The following PTPRN2 variants were observed in gnomAD, a reference collection of about 807,000 sequenced individuals.
PTPRN2 encodes the protein protein tyrosine phosphatase receptor type N2, also known as receptor-type tyrosine-protein phosphatase N2.
Under a neutral mutation model 118.8 loss-of-function variants are expected in PTPRN2, and 74 were observed. The ratio of observed to expected loss-of-function variants is 0.62; its 90% CI spans 0.52 to 0.76. PTPRN2 has a LOEUF of 0.76. Among genes scored for constraint, PTPRN2 ranks in the 30% least tolerant of loss-of-function variants. PTPRN2 has a pLI of 0.00. For missense variants in PTPRN2, 1,481 were observed against 1,394.4 expected (o/e 1.06, Z -0.99); for synonymous variants, 641 against 608.0 (o/e 1.05, Z -0.80).
At chr7:158,302,623 C>T (rs1365731263) in intron 3 of PTPRN2, among the ~76,000 whole-genome samples, 2 of 152,244 alleles carry the variant, frequency 1.3e-5, no homozygotes, top group Non-Finnish European at 2.9e-5. Context: ...CGATAAACAA[C>T]CAAAACAGGG....
At chr7:158,226,246 G>A (rs1409125630) in intron 3 of PTPRN2, among the ~76,000 whole-genome samples, 1 of 152,150 alleles carries the variant, frequency 6.6e-6, no homozygotes, top group Non-Finnish European at 1.5e-5. Context: ...GAGATGATAA[G>A]GTTGTAAACT....
Position 158,565,377 on chromosome 7 carries a change from TGA to T in PTPRN2, c.112+22179_112+22180del, listed in dbSNP as rs1350136586. Among the ~76,000 whole-genome samples the T allele has an allele frequency of 2.6e-5, 4 of 152,196 alleles. No individual in the cohort carries two copies. The highest frequency in any genetic ancestry group is 4.4e-5 in the Non-Finnish European group (3 of 68,038). On this transcript the variant is annotated intron_variant, in intron 1 of 22. Transcript: ENST00000389418. This position sits in a 1 kb window ranked among gnomAD's most constrained non-coding sequence, Gnocchi z 4.6. ...GAACTTTGCAAATTACCTCTCATCCTGAGAGGTGAGACAGAGCCAGCTCTGGG... is the reference window on the plus strand; with the variant it reads ...GAACTTTGCAAATTACCTCTCATCCTGAGGTGAGACAGAGCCAGCTCTGGG...
intron 2 of PTPRN2, among the ~76,000 whole-genome samples, chr7:158,416,685 C>A (rs1814681495): frequency 6.6e-6 from 1 of 152,172 alleles, no homozygotes; most frequent in East Asian, 1.9e-4. Flanking sequence ...GGCCAGGGGG[C>A]AGGAAACAGA....
chr7:157,569,907 A>G (rs1303847734), intron 20 of PTPRN2, among the ~76,000 whole-genome samples: 1 of 152,250 alleles, frequency 6.6e-6, no homozygotes, highest in Non-Finnish European at 1.5e-5. Context: ...CAAGACTTCA[A>G]GAAAGATGTG....
intron 1 of PTPRN2, 88 bp from the exon 2 acceptor site, chr7:158,489,873 T>G: frequency 7.9e-7 from 1 of 1,265,048 alleles, no homozygotes; most frequent in Non-Finnish European, 1.1e-6. Flanking sequence ...CTGGTGAATT[T>G]CAGAGAAACC....
intron 11 of PTPRN2, among the ~76,000 whole-genome samples, chr7:158,001,394 G>T (rs1430238956): frequency 6.6e-6 from 1 of 152,006 alleles, no homozygotes; most frequent in East Asian, 1.9e-4. Context: ...AGAATGGGAA[G>T]CTGGAGCCTT....
At chr7:157,993,449 A>C (rs1804411418) in intron 11 of PTPRN2, among the ~76,000 whole-genome samples, 1 of 152,024 alleles carries the variant, frequency 6.6e-6, no homozygotes, top group Non-Finnish European at 1.5e-5. Context: ...CCCTTTCAGA[A>C]ATGTAATTTC....
intron 5 of PTPRN2, among the ~76,000 whole-genome samples, chr7:158,176,502 C>T (rs1824222362): frequency 6.6e-6 from 1 of 152,150 alleles, no homozygotes; most frequent in Non-Finnish European, 1.5e-5. Context: ...ACCAAACACG[C>T]CGAGTGAACA....
chr7:158,455,806 T>C (rs1345388047), intron 2 of PTPRN2, among the ~76,000 whole-genome samples: 3 of 120,318 alleles, frequency 2.5e-5, no homozygotes, highest in African/African-American at 3.3e-5. Flanking sequence ...GCAGAGAACA[T>C]AACGGCACAG....
chr7:158,327,686 C>T (rs990230616), intron 2 of PTPRN2, among the ~76,000 whole-genome samples: 5 of 152,248 alleles, frequency 3.3e-5, no homozygotes, highest in African/African-American at 1.2e-4. Context: ...GTCACCCTTT[C>T]ATTCTTTCCT....
intron 1 of PTPRN2, among the ~76,000 whole-genome samples, chr7:158,564,432 A>C (rs2129451093): frequency 6.6e-6 from 1 of 152,326 alleles, no homozygotes; most frequent in East Asian, 1.9e-4. Context: ...CACCTCCATC[A>C]CCAGGACGTG....
At chr7:157,595,625 A>AGGTTAGGAAGCCTGGT (rs1260633792) in intron 16 of PTPRN2, among the ~76,000 whole-genome samples, 2 of 149,940 alleles carry the variant, frequency 1.3e-5, no homozygotes, top group African/African-American at 2.5e-5. Context: ...GGAAGCCAGG[A>AGGTTAGGAAGCCTGGT]GGTTAGGAAG....
At position 157,911,727 on chromosome 7, in the gene PTPRN2, T is replaced by A. The variant is rs373967062; in HGVS notation, c.1724-12990A>T. On this transcript the variant is annotated intron_variant, in intron 11 of 22. Coordinates refer to ENST00000389418, the MANE Select transcript of PTPRN2 (RefSeq NM_002847.5). ...GAGCTCTTCTCGGTCCTATCAAAGC[T>A]AATAACTTTCATGAATTCTGGGTGC... Among the ~76,000 whole-genome samples, 6 of 152,370 alleles carry A rather than the reference T, an allele frequency of 3.9e-5. No individual in the cohort carries two copies. The East Asian group carries it at 9.6e-4, about 24-fold the overall frequency.
intron 12 of PTPRN2, among the ~76,000 whole-genome samples, chr7:157,747,473 TCCGCG>T (rs1801050465): frequency 9.6e-6 from 1 of 104,076 alleles, no homozygotes; most frequent in African/African-American, 4.3e-5. Flanking sequence ...CTGTGGGGTG[TCCGCG>T]TGATTCTGAG....
chr7:158,406,394 G>T (rs78150083), intron 2 of PTPRN2, among the ~76,000 whole-genome samples: 9,004 of 70,542 alleles, frequency 0.13, 74 homozygotes, highest in African/African-American at 0.16. Flanking sequence ...CGTGAGACAT[G>T]TGGCTGCACA....
chr7:158,531,816 C>T (rs1403697745), intron 1 of PTPRN2, among the ~76,000 whole-genome samples: 2 of 152,200 alleles, frequency 1.3e-5, no homozygotes, highest in Non-Finnish European at 2.9e-5. Context: ...TGAACAGGAG[C>T]ATATTTTACA....
In PTPRN2 at chr7:158,003,850, ACT is replaced by A. The variant is rs1322939098; in HGVS notation, c.1723+77446_1723+77447del. ...TTTTTAAAGAATAGCTTGTCTAATG[ACT>A]CTGAGAGCATCTATTAATTTCATCA... On this transcript the variant is annotated intron_variant, in intron 11 of 22. Coordinates refer to ENST00000389418, the MANE Select transcript of PTPRN2 (RefSeq NM_002847.5). The surrounding 1 kb of genome is among the most constrained non-coding windows in gnomAD (Gnocchi z 5.0). Among the ~76,000 whole-genome samples, 2 of 151,866 alleles carry A rather than the reference ACT, an allele frequency of 1.3e-5. No individual in the cohort carries two copies. Among genetic ancestry groups the A allele is most frequent in the African/African-American group, 4.8e-5 (2 of 41,340 alleles).
chr7:158,282,295 C>T (rs1799480359), intron 3 of PTPRN2, among the ~76,000 whole-genome samples: 1 of 151,948 alleles, frequency 6.6e-6, no homozygotes, highest in African/African-American at 2.4e-5. Flanking sequence ...GGGAAAGTAG[C>T]TTATCAAAAG....
intron 11 of PTPRN2, among the ~76,000 whole-genome samples, chr7:157,912,255 T>C (rs1396691234): frequency 6.6e-6 from 1 of 152,254 alleles, no homozygotes; most frequent in African/African-American, 2.4e-5. Context: ...GCTTCCAATG[T>C]GCATGTCTTT....
Sources: gnomAD v4.1 joint callset for allele counts (sites outside exome capture counted in the v4.1 genomes callset) on GRCh38, gnomAD v4.1.1 for gene constraint, Gnocchi (gnomAD v3.1) non-coding constraint, MANE v1.5 for transcripts, NCBI Gene and HGNC (gene_info 2026-07-23, HGNC 2026-07-21) for gene names.